MLLT3: variants seen among roughly 807,000 people sequenced by gnomAD.
MLLT3 encodes the protein MLLT3 super elongation complex subunit.
In MLLT3, 4 loss-of-function variants were observed where a neutral mutation model predicts 53.2. The ratio of observed to expected loss-of-function variants is 0.08; its 90% CI spans 0.04 to 0.17. The LOEUF is 0.17. MLLT3 is among the 10% of genes least tolerant of loss of function. The probability of loss-of-function intolerance (pLI) is 1.00; values close to 1 mark genes in which losing one functional copy is unlikely to be tolerated. For synonymous variants in MLLT3, 283 were observed against 230.6 expected (o/e 1.23, Z -2.06); for missense variants, 569 against 684.0 (o/e 0.83, Z 1.87).
chr9:20,402,918 C>T (rs1434261793), intron 5 of MLLT3, among the ~76,000 whole-genome samples: 1 of 152,180 alleles, frequency 6.6e-6, no homozygotes, highest in African/African-American at 2.4e-5. Context: ...CAAGAGGTCA[C>T]ATTGGCCGTA....
intron 4 of MLLT3, among the ~76,000 whole-genome samples, chr9:20,435,395 G>T (rs1823376803): frequency 6.6e-6 from 1 of 152,068 alleles, no homozygotes; most frequent in Non-Finnish European, 1.5e-5. Flanking sequence ...CCTATTAAAA[G>T]ATGAGAATTT....
rs78395167 is a variant in MLLT3 at position 20,357,359 on chromosome 9, C to T, written c.1432-2480G>A. 6.1e-3 allele frequency among the ~76,000 whole-genome samples: 935 copies of T among 152,278 alleles called. 12 individuals are homozygous for T. Among genetic ancestry groups the T allele is most frequent in the African/African-American group, 0.021 (891 of 41,542 alleles). On this transcript the variant is annotated intron_variant, in intron 8 of 10. Transcript: ENST00000380338. ...AAAAAACCATCTCTGGTTGAAATGA[C>T]GCAACACTCTTTATTATTACCTATT... is the stretch of plus-strand genomic sequence containing the variant.
chr9:20,366,147 C>T (rs1433749403), intron 5 of MLLT3, among the ~76,000 whole-genome samples: 2 of 151,974 alleles, frequency 1.3e-5, no homozygotes, highest in Non-Finnish European at 1.5e-5. Context: ...TTTACTGCAC[C>T]CATCAACCCA....
At chr9:20,599,186 C>G (rs185433592) in intron 2 of MLLT3, among the ~76,000 whole-genome samples, 2 of 152,088 alleles carry the variant, frequency 1.3e-5, no homozygotes, top group African/African-American at 4.8e-5. Flanking sequence ...CGCCTGCAGT[C>G]CCAGCTACTC....
chr9:20,544,614 A>T (rs1818737144), intron 2 of MLLT3, among the ~76,000 whole-genome samples: 1 of 152,256 alleles, frequency 6.6e-6, no homozygotes, highest in Admixed American at 6.5e-5. Flanking sequence ...AAGAAATTAG[A>T]ATCCTTGTGC....
At chr9:20,360,641 G>A (rs781160540) in intron 8 of MLLT3, 101 bp downstream of exon 8, 54 of 925,490 alleles carry the variant, frequency 5.8e-5, no homozygotes, top group Non-Finnish European at 8.6e-5. Flanking sequence ...GCATCAAGAG[G>A]AAGTTTGTTT....
At chr9:20,558,177 C>T (rs7867469) in intron 2 of MLLT3, among the ~76,000 whole-genome samples, 61,441 of 152,032 alleles carry the variant, frequency 0.4, 13,270 homozygotes, top group South Asian at 0.51. Flanking sequence ...TTGATTTCAG[C>T]GACCACTACA....
rs192377648 is a variant in MLLT3, at chr9:20,597,229, G to C, written c.193+23425C>G. The stretch of plus-strand genomic sequence containing the variant: ...CATTAGACTAATAAGGTAATTATTG[G>C]AGAGTACCCAGTACTCAGCCTGGCA... On this transcript the variant is annotated intron_variant, in intron 2 of 10. Transcript: ENST00000380338. Among the ~76,000 whole-genome samples, 14 of 151,984 alleles carry C rather than the reference G, an allele frequency of 9.2e-5. 1 individual carries two copies. Among genetic ancestry groups the C allele is most frequent in the Admixed American group, 9.2e-4 (14 of 15,244 alleles).
At chr9:20,511,404 T>A (rs1825530282) in intron 2 of MLLT3, among the ~76,000 whole-genome samples, 1 of 152,076 alleles carries the variant, frequency 6.6e-6, no homozygotes, top group African/African-American at 2.4e-5. Flanking sequence ...CACAAAAAAA[T>A]TAATCTACCA....
intron 10 of MLLT3, among the ~76,000 whole-genome samples, chr9:20,353,105 T>C (rs1651025789): frequency 6.6e-6 from 1 of 152,088 alleles, no homozygotes; most frequent in Admixed American, 6.5e-5. Context: ...TAGAATATCA[T>C]TGGCAAAGGT....
At chr9:20,385,634 A>G (rs1183766680) in intron 5 of MLLT3, among the ~76,000 whole-genome samples, 1 of 152,158 alleles carries the variant, frequency 6.6e-6, no homozygotes, top group African/African-American at 2.4e-5. Context: ...TTGTCCTAAA[A>G]TGTTAAAATC....
chr9:20,622,214 G>A (rs1310864381), intron 1 of MLLT3, 31 bp downstream of exon 1: 1 of 1,593,954 alleles, frequency 6.3e-7, no homozygotes, highest in South Asian at 1.1e-5. Flanking sequence ...AGTGGGGGAG[G>A]GCTTTTATTA....
intron 5 of MLLT3, among the ~76,000 whole-genome samples, chr9:20,383,251 G>A (rs897936307): frequency 6.6e-6 from 1 of 151,794 alleles, no homozygotes; most frequent in African/African-American, 2.4e-5. Context: ...GCTCTATGAT[G>A]GGGGGTACGT....
intron 4 of MLLT3, among the ~76,000 whole-genome samples, chr9:20,441,967 G>A (rs1206535733): frequency 6.6e-6 from 1 of 152,082 alleles, no homozygotes. Context: ...CACAGACCTT[G>A]GTTAAAGAGG....
intron 5 of MLLT3, among the ~76,000 whole-genome samples, chr9:20,383,988 A>T (rs973288351): frequency 1.3e-5 from 2 of 152,074 alleles, no homozygotes; most frequent in African/African-American, 4.8e-5. Context: ...TAGAAAAAAG[A>T]AAGTGAAACT....
intron 2 of MLLT3, among the ~76,000 whole-genome samples, chr9:20,619,726 C>T (rs752221987): frequency 3.3e-5 from 5 of 152,216 alleles, no homozygotes; most frequent in Non-Finnish European, 5.9e-5. Flanking sequence ...ATCGGTATTT[C>T]TCAAACCCTC....
intron 2 of MLLT3, among the ~76,000 whole-genome samples, chr9:20,466,141 G>C (rs186486018): frequency 2.3e-4 from 35 of 152,044 alleles, no homozygotes; most frequent in Admixed American, 2.2e-3. Context: ...AAAATGCTTG[G>C]GATCAGAGGT....
intron 5 of MLLT3, among the ~76,000 whole-genome samples, chr9:20,392,343 C>T (rs1331214845): frequency 6.6e-6 from 1 of 152,096 alleles, no homozygotes; most frequent in Non-Finnish European, 1.5e-5. Flanking sequence ...GGCCCAGATG[C>T]AGTCTGACGG....
At chr9:20,408,779 A>C (rs966865531) in intron 5 of MLLT3, among the ~76,000 whole-genome samples, 1 of 152,232 alleles carries the variant, frequency 6.6e-6, no homozygotes, top group African/African-American at 2.4e-5. Context: ...ATGCTTCAAC[A>C]GCAGGACGTT....
Sources: gnomAD v4.1 joint callset for allele counts (sites outside exome capture counted in the v4.1 genomes callset) on GRCh38, gnomAD v4.1.1 for gene constraint, MANE v1.5 for transcripts, NCBI Gene and HGNC (gene_info 2026-07-23, HGNC 2026-07-21) for gene names.